CA10: variants seen among roughly 807,000 people sequenced by gnomAD.
The protein encoded by CA10 is carbonic anhydrase-related protein 10.
CA10 carries 14 observed loss-of-function variants against 44.2 expected under a neutral mutation model. That is an observed-to-expected ratio of 0.32 (90% CI 0.21 to 0.50). The LOEUF (loss-of-function observed/expected upper bound fraction) is 0.50. CA10 is among the 20% of genes least tolerant of loss of function. The pLI is 0.99. For synonymous variants in CA10, 159 were observed against 141.6 expected, an observed-to-expected ratio of 1.12 and a Z score of -0.87; for missense variants, 350 against 409.7, an observed-to-expected ratio of 0.85 and a Z score of 1.26.
chr17:52,060,444 G>T (rs1987351834), intron 2 of CA10, among the ~76,000 whole-genome samples: 1 of 152,080 alleles, frequency 6.6e-6, no homozygotes, highest in Non-Finnish European at 1.5e-5. Flanking sequence ...ATGTATCCAG[G>T]TTGGTTTCTT....
chr17:51,846,399 C>A (rs924887906), intron 3 of CA10, among the ~76,000 whole-genome samples: 2 of 152,238 alleles, frequency 1.3e-5, no homozygotes, highest in Admixed American at 6.5e-5. Flanking sequence ...AAACCCTGAG[C>A]TGGGGCTGCC....
At chr17:51,929,092 C>T (rs1029737152) in intron 3 of CA10, among the ~76,000 whole-genome samples, 1 of 151,888 alleles carries the variant, frequency 6.6e-6, no homozygotes, top group African/African-American at 2.4e-5. Context: ...TGGAAAGATA[C>T]AAAATCATCT....
At chr17:51,877,225 G>A (rs1481314498) in intron 3 of CA10, among the ~76,000 whole-genome samples, 1 of 152,218 alleles carries the variant, frequency 6.6e-6, no homozygotes, top group Non-Finnish European at 1.5e-5. Flanking sequence ...GAGTAGAAAT[G>A]ACATGGAAGA....
intron 3 of CA10, among the ~76,000 whole-genome samples, chr17:51,908,059 A>T (rs1050842314): frequency 1.2e-4 from 19 of 152,206 alleles, no homozygotes; most frequent in African/African-American, 4.6e-4. Context: ...AAGGGCTGGG[A>T]TCAGACCCAG....
chr17:51,813,243 CA>C (rs891862798), intron 3 of CA10, among the ~76,000 whole-genome samples: 5 of 152,186 alleles, frequency 3.3e-5, no homozygotes, highest in African/African-American at 1.2e-4. Flanking sequence ...TAAAACACTT[CA>C]AAAGCATAAA....
At chr17:51,931,595 T>C (rs960602502) in intron 2 of CA10, among the ~76,000 whole-genome samples, 3 of 152,154 alleles carry the variant, frequency 2.0e-5, no homozygotes, top group African/African-American at 7.2e-5. Flanking sequence ...AGTTTTTCTT[T>C]GGGTTGTCAA....
chr17:51,818,991 G>A (rs977275326), intron 3 of CA10, among the ~76,000 whole-genome samples: 1 of 152,058 alleles, frequency 6.6e-6, no homozygotes, highest in African/African-American at 2.4e-5. Flanking sequence ...AGCCTCCTTT[G>A]TACAATTTAC....
intron 2 of CA10, among the ~76,000 whole-genome samples, chr17:52,053,360 C>A (rs1265096792): frequency 2.0e-5 from 3 of 151,824 alleles, no homozygotes; most frequent in Non-Finnish European, 4.4e-5. Flanking sequence ...TGAGGGAAAT[C>A]AATAGCATGA....
At chr17:51,866,504 A>T (rs777690589) in intron 3 of CA10, among the ~76,000 whole-genome samples, 6 of 152,210 alleles carry the variant, frequency 3.9e-5, no homozygotes, top group Non-Finnish European at 8.8e-5. Context: ...CTCCTCAGCC[A>T]TGACAGTAGA....
chr17:52,010,408 GTA>G (rs1985748667), intron 2 of CA10, among the ~76,000 whole-genome samples: 1 of 151,842 alleles, frequency 6.6e-6, no homozygotes, highest in African/African-American at 2.4e-5. Context: ...GTATGTGTAT[GTA>G]CATACACATA....
chr17:51,635,588 C>T (rs752841838), intron 7 of CA10, among the ~76,000 whole-genome samples: 10 of 152,080 alleles, frequency 6.6e-5, no homozygotes, highest in Non-Finnish European at 1.3e-4. Context: ...CAAAGATTGT[C>T]AGCAAACCAC....
At chr17:51,662,585 G>T (rs1313624951) in intron 4 of CA10, among the ~76,000 whole-genome samples, 1 of 152,202 alleles carries the variant, frequency 6.6e-6, no homozygotes, top group Non-Finnish European at 1.5e-5. Flanking sequence ...CTTATTTATA[G>T]AAAGTCATTA....
chr17:51,733,628 G>T (rs921300489), intron 4 of CA10, among the ~76,000 whole-genome samples: 5 of 152,200 alleles, frequency 3.3e-5, no homozygotes, highest in African/African-American at 1.2e-4. Flanking sequence ...TGCCCCTGAG[G>T]TTTTAAAAGC....
At chr17:51,652,094 G>A (rs1467582271) in intron 5 of CA10, among the ~76,000 whole-genome samples, 3 of 152,154 alleles carry the variant, frequency 2.0e-5, no homozygotes. Flanking sequence ...CAGCTCTATT[G>A]GAGAGGCATA....
Position 51,747,687 on chromosome 17 carries a change from A to G in CA10, c.411T>C (p.Ser137=), listed in dbSNP as rs750540086. The change falls in exon 4 of 9, where the codon AGT becomes AGC. Residue 137 remains serine, a synonymous_variant. Coordinates refer to ENST00000451037, the MANE Select transcript of CA10 (RefSeq NM_020178.5). The stretch of plus-strand genomic sequence containing the variant: ...GGTGCTCCGACCCTTGGCTGTCCTC[A>G]CTCCCAAAGTGTAGTCGGATCTCCT... ...RLEEIRLHFG[S]EDSQGSEHLL... 2 of 1,614,026 alleles carry G rather than the reference A, an allele frequency of 1.2e-6. No individual in the cohort carries two copies. Among genetic ancestry groups the G allele is most frequent in the Non-Finnish European group, 1.7e-6 (2 of 1,179,974 alleles).
At chr17:51,815,933 A>T (rs113900983) in intron 3 of CA10, among the ~76,000 whole-genome samples, 1 of 152,020 alleles carries the variant, frequency 6.6e-6, no homozygotes, top group Non-Finnish European at 1.5e-5. Flanking sequence ...AAACAACCCA[A>T]CTACACTCTT....
intron 2 of CA10, among the ~76,000 whole-genome samples, chr17:52,014,845 T>G (rs1985918559): frequency 1.3e-5 from 2 of 152,014 alleles, no homozygotes; most frequent in African/African-American, 4.8e-5. Flanking sequence ...AAATGCGTAT[T>G]TGAAAAACAA....
intron 1 of CA10, among the ~76,000 whole-genome samples, chr17:52,098,172 T>C (rs931661198): frequency 6.6e-6 from 1 of 152,228 alleles, no homozygotes; most frequent in Admixed American, 6.5e-5. Flanking sequence ...ATTCTCACTG[T>C]CCCAATCACT....
At chr17:52,028,494 T>C (rs1487562896) in intron 2 of CA10, among the ~76,000 whole-genome samples, 1 of 152,200 alleles carries the variant, frequency 6.6e-6, no homozygotes, top group Non-Finnish European at 1.5e-5. Context: ...CTGAAAACCT[T>C]TTAAAGGTAC....
Sources: gnomAD v4.1 joint callset for allele counts (sites outside exome capture counted in the v4.1 genomes callset) on GRCh38, gnomAD v4.1.1 for gene constraint, MANE v1.5 for transcripts, NCBI Gene and HGNC (gene_info 2026-07-23, HGNC 2026-07-21) for gene names.